The following CYP20A1 variants were observed in gnomAD, a reference collection of about 807,000 sequenced individuals.
The protein encoded by CYP20A1 is cytochrome P450 family 20 subfamily A member 1, also known as cytochrome P450 20A1.
A neutral mutation model predicts 61.4 loss-of-function variants in CYP20A1; 61 were observed. That is an observed-to-expected ratio of 0.99 (90% CI 0.81 to 1.23). The LOEUF (loss-of-function observed/expected upper bound fraction) is 1.23. CYP20A1 is among the 50% of genes most tolerant of loss of function. The pLI is 0.00. For synonymous variants in CYP20A1, 193 were observed against 188.2 expected, an observed-to-expected ratio of 1.03 and a Z score of -0.21; for missense variants, 530 against 542.4, an observed-to-expected ratio of 0.98 and a Z score of 0.23.
intron 11 of CYP20A1, among the ~76,000 whole-genome samples, chr2:203,295,556 T>G (rs974978528): frequency 3.9e-5 from 6 of 152,242 alleles, no homozygotes; most frequent in Non-Finnish European, 8.8e-5. Flanking sequence ...TATGATTTTC[T>G]ATGATTTATC....
chr2:203,284,116 C>G (rs1199475278), intron 8 of CYP20A1, among the ~76,000 whole-genome samples: 1 of 152,138 alleles, frequency 6.6e-6, no homozygotes, highest in African/African-American at 2.4e-5. Flanking sequence ...TATAAGAAAA[C>G]TAATCAGAGT....
chr2:203,286,846 C>A (rs1192312636), intron 9 of CYP20A1, among the ~76,000 whole-genome samples: 2 of 151,666 alleles, frequency 1.3e-5, no homozygotes, highest in African/African-American at 2.4e-5. Context: ...TTAATTGCAA[C>A]TGTGATTGCT....
At chr2:203,290,950 T>C (rs1002999098) in intron 10 of CYP20A1, among the ~76,000 whole-genome samples, 8 of 152,158 alleles carry the variant, frequency 5.3e-5, no homozygotes, top group Admixed American at 2.6e-4. Context: ...TCTAGCATAA[T>C]TTATTTAAGC....
intron 4 of CYP20A1, among the ~76,000 whole-genome samples, chr2:203,257,156 A>T (rs1052371964): frequency 1.3e-5 from 2 of 152,002 alleles, no homozygotes; most frequent in Non-Finnish European, 2.9e-5. Flanking sequence ...CTACAAAAAA[A>T]AAAAGAGAAA....
chr2:203,282,255 C>T (rs1347178644), intron 8 of CYP20A1, among the ~76,000 whole-genome samples: 4 of 152,034 alleles, frequency 2.6e-5, no homozygotes, highest in African/African-American at 9.7e-5. Flanking sequence ...CTTGAACTGA[C>T]CTCAGGTGCT....
At chr2:203,272,333 A>G (rs918647661) in intron 5 of CYP20A1, among the ~76,000 whole-genome samples, 4 of 152,080 alleles carry the variant, frequency 2.6e-5, no homozygotes, top group Admixed American at 6.6e-5. Flanking sequence ...ACTTGAGCTC[A>G]GGAGTTCAAG....
At chr2:203,245,184 G>A (rs548255234) in intron 1 of CYP20A1, among the ~76,000 whole-genome samples, 37 of 150,726 alleles carry the variant, frequency 2.5e-4, no homozygotes, top group African/African-American at 7.3e-4. Context: ...GTGCCACCAC[G>A]CCCGGCTAAT....
At chr2:203,263,286 G>A (rs1337449758) in intron 4 of CYP20A1, among the ~76,000 whole-genome samples, 41 of 145,578 alleles carry the variant, frequency 2.8e-4, no homozygotes, top group African/African-American at 8.5e-4. Context: ...ACTGCGCCTG[G>A]CTTTTTTTTT....
intron 6 of CYP20A1, among the ~76,000 whole-genome samples, chr2:203,275,814 A>T (rs1472894034): frequency 6.6e-6 from 1 of 152,020 alleles, no homozygotes; most frequent in Non-Finnish European, 1.5e-5. Flanking sequence ...GATCTGTGAT[A>T]TCCTGGCATG....
intron 9 of CYP20A1, among the ~76,000 whole-genome samples, chr2:203,289,388 G>A (rs1392071853): frequency 2.0e-5 from 3 of 151,780 alleles, no homozygotes; most frequent in Non-Finnish European, 4.4e-5. Context: ...CTCTAGTTAG[G>A]TTATGTATAT....
rs1207634217 is a variant in CYP20A1 at position 203,289,769 on chromosome 2, T to A, written c.976T>A (p.Cys326Ser). 9.1e-6 allele frequency: 14 copies of A among 1,546,410 alleles called. No individual in the cohort carries two copies. Among genetic ancestry groups the A allele is most frequent in the African/African-American group, 1.4e-5 (1 of 72,728 alleles). Residue 326 changes from cysteine to serine, a missense_variant, in exon 10 of 13, where the codon TGT (cysteine) becomes AGT (serine). By Grantham distance (112) the Cys-to-Ser change is moderately radical (BLOSUM62 -1). Transcript: ENST00000356079. Reference protein sequence around the residue: ...TPEKIEQLRYCQHVLCETVRT... With the variant: ...TPEKIEQLRYSQHVLCETVRT... ...AAAAAAATTTTTTTAAAACAGATAT[T>A]GTCAGCATGTGCTTTGTGAAACTGT...
At chr2:203,244,855 C>G (rs1445879701) in intron 1 of CYP20A1, among the ~76,000 whole-genome samples, 1 of 151,580 alleles carries the variant, frequency 6.6e-6, no homozygotes, top group African/African-American at 2.4e-5. Context: ...GCCTCAGCCT[C>G]CCGAGTAGCT....
chr2:203,261,605 TAAAAAA>T (rs36092540), intron 4 of CYP20A1, among the ~76,000 whole-genome samples: 14 of 74,362 alleles, frequency 1.9e-4, no homozygotes, highest in Admixed American at 1.7e-3. Flanking sequence ...CTTTGTCACC[TAAAAAA>T]AAAAAAAAAA....
chr2:203,300,837 C>T lies in CYP20A1; in HGVS notation c.*3929C>T, dbSNP rs927680500. 7.6e-5 allele frequency among the ~76,000 whole-genome samples: 11 copies of T among 144,090 alleles called. No homozygotes were observed. In the South Asian group the frequency reaches 1.6e-3, roughly 20 times the overall value. 94.5% of individuals were successfully genotyped at this position (144,090 alleles called of 152,430 possible). A position where few individuals can be genotyped will look rare whatever the true frequency, so the allele number is the denominator to read the frequency against. On this transcript the variant is annotated 3_prime_UTR_variant, in exon 13 of 13. Coordinates refer to ENST00000356079, the MANE Select transcript of CYP20A1 (RefSeq NM_177538.3). The stretch of plus-strand genomic sequence containing the variant: ...CCGTGAGGCAGAGGTTGCGATGAGC[C>T]GAGATCGTGCCATTGCACTCCAGCC...
chr2:203,277,393 T>C (rs2067868636), intron 6 of CYP20A1, among the ~76,000 whole-genome samples: 1 of 151,710 alleles, frequency 6.6e-6, no homozygotes, highest in Non-Finnish European at 1.5e-5. Flanking sequence ...GAATACGTTA[T>C]CAACATCATC....
At chr2:203,285,409 G>A (rs2068222887) in intron 8 of CYP20A1, among the ~76,000 whole-genome samples, 1 of 152,034 alleles carries the variant, frequency 6.6e-6, no homozygotes, top group African/African-American at 2.4e-5. Flanking sequence ...TCTGTTGGAG[G>A]GCATTCTGTA....
intron 3 of CYP20A1, among the ~76,000 whole-genome samples, chr2:203,250,176 TAAA>T (rs144372981): frequency 0.02 from 3,016 of 151,850 alleles, 114 homozygotes; most frequent in African/African-American, 0.069. Context: ...GCATTGTTTA[TAAA>T]AAAAAATTTG....
intron 1 of CYP20A1, among the ~76,000 whole-genome samples, chr2:203,243,427 G>C (rs1403323209): frequency 6.6e-6 from 1 of 150,580 alleles, no homozygotes; most frequent in Non-Finnish European, 1.5e-5. Context: ...GTCTCGCTCT[G>C]TCTCCCAGGC....
At chr2:203,245,934 CTTCATTATTGATAT>C in intron 2 of CYP20A1, 39 bp downstream of exon 2, 1 of 1,319,072 alleles carries the variant, frequency 7.6e-7, no homozygotes, top group Non-Finnish European at 1.1e-6. Flanking sequence ...AGAGTTAATT[CTTCATTATTGATAT>C]CAAGACTAAA....
Sources: gnomAD v4.1 joint callset for allele counts (sites outside exome capture counted in the v4.1 genomes callset) on GRCh38, gnomAD v4.1.1 for gene constraint, MANE v1.5 for transcripts, NCBI Gene and HGNC (gene_info 2026-07-23, HGNC 2026-07-21) for gene names.